C1orf167: variants seen among roughly 807,000 people sequenced by gnomAD.
C1orf167 encodes uncharacterized protein C1orf167.
C1orf167 carries 153 observed loss-of-function variants against 176.5 expected under a neutral mutation model. The observed-to-expected ratio is 0.87, with a 90% confidence interval of 0.76 to 0.99. C1orf167 has a LOEUF of 0.99. Among genes scored for constraint, C1orf167 ranks in the 50% least tolerant of loss-of-function variants. The probability of loss-of-function intolerance (pLI) is 0.00; values close to 1 mark genes in which losing one functional copy is unlikely to be tolerated. For missense variants in C1orf167, 1,490 were observed against 1,817.7 expected, an observed-to-expected ratio of 0.82 and a Z score of 3.28; for synonymous variants, 594 against 752.7, an observed-to-expected ratio of 0.79 and a Z score of 3.45.
Position 11,766,788 on chromosome 1 carries a change from G to C in C1orf167, c.1002G>C (p.Arg334=), listed in dbSNP as rs897930278. Residue 334 remains arginine, a synonymous_variant, in exon 3 of 21, where the codon CGG becomes CGC. Transcript: ENST00000688073. This position sits in a 1 kb window ranked among gnomAD's most constrained non-coding sequence, Gnocchi z 4.5. ...CACCTGAGACCACTTTGGGGACACG[G>C]ACCAAGGATTCCCTTAATCCTGAGC... is the stretch of plus-strand genomic sequence containing the variant. ...LMSPETTLGT[R]TKDSLNPEQG... is the part of the protein sequence containing the mutation. 7.8e-7 allele frequency: 1 copy of C among 1,289,606 alleles called. No individual in the cohort carries two copies. 79.9% of individuals were successfully genotyped at this position (1,289,606 alleles called of 1,614,324 possible).
chr1:11,780,468 G>C (rs115118376), intron 13 of C1orf167, among the ~76,000 whole-genome samples: 313 of 152,284 alleles, frequency 2.1e-3, no homozygotes, highest in African/African-American at 7.3e-3. Context: ...GCACACCCAG[G>C]AGTCAGGTGG....
chr1:11,775,699 G>A (rs1382683554), intron 9 of C1orf167, 89 bp downstream of exon 9: 1 of 1,232,102 alleles, frequency 8.1e-7, no homozygotes, highest in East Asian at 5.8e-5. Flanking sequence ...AATTCTTGTG[G>A]GAGGTGATAG....
chr1:11,766,139 T>C lies in C1orf167; in HGVS notation c.353T>C (p.Phe118Ser). Residue 118 changes from phenylalanine (F) to serine (S), a missense_variant, in exon 3 of 21, where the codon TTT becomes TCT. By Grantham distance (155) the Phe-to-Ser change is radical. Coordinates refer to ENST00000688073, the MANE Select transcript of C1orf167 (RefSeq NM_001010881.2). This position sits in a 1 kb window ranked among gnomAD's most constrained non-coding sequence, Gnocchi z 4.5. ...AGGCGCCAAGGGAAGGCCCGAGAGT[T>C]TGCCATCCAGCAGAGCAACCTGAGC... ...ARRRQGKARE[F>S]AIQQSNLSIN... The C allele has an allele frequency of 1.6e-6, 2 of 1,289,762 alleles. No individual in the cohort carries two copies. Among genetic ancestry groups the C allele is most frequent in the Non-Finnish European group, 2.0e-6 (2 of 988,822 alleles). 79.9% of individuals were successfully genotyped at this position (1,289,762 alleles called of 1,614,324 possible).
At position 11,765,915 on chromosome 1, in the gene C1orf167, G is replaced by C. The variant is rs778241151; in HGVS notation, c.129G>C (p.Trp43Cys). 8.1e-7 allele frequency: 1 copy of C among 1,228,878 alleles called. No homozygotes were observed. 76.1% of individuals were successfully genotyped at this position (1,228,878 alleles called of 1,614,324 possible). ...GCCTGAGTGGTAGACATGACCAGTG[G>C]GTGCCCGGGTGCCAGGTGGAGAGGG... ...GIGLSGRHDQ[W>C]VPGCQVERGG... Residue 43 changes from tryptophan to cysteine, a missense_variant, in exon 3 of 21, where the codon TGG becomes TGC. Transcript: ENST00000688073.
chr1:11,774,588 C>T (rs1314380031), intron 8 of C1orf167, among the ~76,000 whole-genome samples: 1 of 152,090 alleles, frequency 6.6e-6, no homozygotes, highest in Non-Finnish European at 1.5e-5. Flanking sequence ...GTAGAGTGTT[C>T]AGAGGCCTCT....
At chr1:11,788,556 C>T in intron 19 of C1orf167, 96 bp from the exon 20 acceptor site, 1 of 1,168,144 alleles carries the variant, frequency 8.6e-7, no homozygotes, top group South Asian at 1.3e-5. Context: ...AGCCCTTTCA[C>T]TCTGGTGCAG....
At position 11,771,031 on chromosome 1, in the gene C1orf167, A is replaced by G. The variant is rs7533633; in HGVS notation, c.1698-493A>G. ...ATCACCTCTGGCAGCGTGTGTGTGT[A>G]TGTGTGTGTGTGTGTGTGTATATAT... On this transcript the variant is annotated intron_variant, in intron 6 of 20. Coordinates refer to ENST00000688073, the MANE Select transcript of C1orf167 (RefSeq NM_001010881.2). 5.1e-3 allele frequency among the ~76,000 whole-genome samples: 178 copies of G among 35,008 alleles called. 4 individuals are homozygous for G. Among genetic ancestry groups the G allele is most frequent in the Middle Eastern group, 0.05 (2 of 40 alleles). 23.0% of individuals were successfully genotyped at this position (35,008 alleles called of 152,430 possible). A position where few individuals can be genotyped will look rare whatever the true frequency, so the allele number is the denominator to read the frequency against.
intron 6 of C1orf167, among the ~76,000 whole-genome samples, chr1:11,770,757 C>T (rs1285319368): frequency 6.6e-6 from 1 of 150,998 alleles, no homozygotes; most frequent in African/African-American, 2.4e-5. Flanking sequence ...CCACTGCGCC[C>T]GGCCTCTGGT....
intron 16 of C1orf167, 60 bp from the exon 17 acceptor site, chr1:11,787,328 G>A (rs1050307974): frequency 3.2e-5 from 35 of 1,102,668 alleles, no homozygotes; most frequent in South Asian, 9.5e-5. Flanking sequence ...AAATCCCAGC[G>A]GGGCCCCAGG....
Position 11,787,393 on chromosome 1 carries a change from C to T in C1orf167, c.3573C>T (p.Arg1191=). The T allele has an allele frequency of 3.9e-6, 5 of 1,293,964 alleles. No individual in the cohort carries two copies. Among genetic ancestry groups the T allele is most frequent in the Non-Finnish European group, 5.1e-6 (5 of 983,542 alleles). The allele number at this position is 1,293,964 out of a possible 1,614,324, so 80.2% of individuals were successfully genotyped here. Residue 1191 remains arginine (R), a synonymous_variant, in exon 17 of 21, where the codon CGC becomes CGT. Transcript: ENST00000688073. ...RLGLPGAGKT[R]SCWTQATELV... is the part of the protein sequence containing the mutation. ...CTCTCTGGCTATTCCTTCAGACCCGCAGCTGCTGGACACAGGCCACAGAGC... is the reference window on the plus strand; with the variant it reads ...CTCTCTGGCTATTCCTTCAGACCCGTAGCTGCTGGACACAGGCCACAGAGC...
Position 11,789,275 on chromosome 1 carries a change from T to C in C1orf167, c.4179T>C (p.Phe1393=), listed in dbSNP as rs1190172385. The change falls in exon 21 of 21, where the codon TTT becomes TTC. Residue 1393 remains phenylalanine (F), a synonymous_variant. Transcript: ENST00000688073. ...SAVTAAGRWA[F]KKWHQRLAAR... The stretch of plus-strand genomic sequence containing the variant: ...CCTCTCCTCCCTGGTTCCAGGCCTT[T>C]AAGAAGTGGCACCAACGCCTGGCAG... 4.6e-6 allele frequency: 6 copies of C among 1,303,724 alleles called. No individual in the cohort carries two copies. Among genetic ancestry groups the C allele is most frequent in the Non-Finnish European group, 6.1e-6 (6 of 988,880 alleles). The allele number at this position is 1,303,724 out of a possible 1,614,324, so 80.8% of individuals were successfully genotyped here. A position where few individuals can be genotyped will look rare whatever the true frequency, so the allele number is the denominator to read the frequency against.
At chr1:11,779,228 T>A (rs1643478747) in intron 12 of C1orf167, 148 bp downstream of exon 12, 1 of 749,306 alleles carries the variant, frequency 1.3e-6, no homozygotes, top group African/African-American at 1.9e-5. Context: ...TGCCCCGTCC[T>A]ACTGAGAGGG....
intron 17 of C1orf167, 119 bp downstream of exon 17, chr1:11,787,612 T>TG: frequency 1.2e-6 from 1 of 815,058 alleles, no homozygotes; most frequent in South Asian, 1.8e-5. Context: ...GTATTGACCA[T>TG]TCTCCCCATC....
intron 2 of C1orf167, among the ~76,000 whole-genome samples, chr1:11,765,486 T>TTTTC (rs139036502): frequency 2.8e-3 from 425 of 149,966 alleles, no homozygotes; most frequent in African/African-American, 9.9e-3. Flanking sequence ...GATTCTTTTC[T>TTTTC]TTTTTTTTCC....
intron 2 of C1orf167, among the ~76,000 whole-genome samples, chr1:11,764,793 G>A (rs1248538596): frequency 2.0e-5 from 3 of 152,114 alleles, no homozygotes; most frequent in African/African-American, 7.2e-5. Flanking sequence ...GGTGGCTCAC[G>A]CTTGTAATCC....
intron 14 of C1orf167, among the ~76,000 whole-genome samples, chr1:11,782,578 T>G (rs1293314479): frequency 6.6e-6 from 1 of 151,408 alleles, no homozygotes; most frequent in African/African-American, 2.4e-5. Context: ...GCCCCGGGAG[T>G]CCAGCTCCTG....
chr1:11,789,559 GAC>G lies in C1orf167; in HGVS notation c.*115_*116del, dbSNP rs1644022126. On this transcript the variant is annotated 3_prime_UTR_variant, in exon 21 of 21. Transcript: ENST00000688073. ...GGGGACAGCTTGAAGAGCTCTGAAGGACAATAAAACCCACTCCTCAGTCCTAG... is the reference window on the plus strand; with the variant it reads ...GGGGACAGCTTGAAGAGCTCTGAAGGAATAAAACCCACTCCTCAGTCCTAG... 1 of 1,034,862 alleles carries G rather than the reference GAC, an allele frequency of 9.7e-7. No individual in the cohort carries two copies. The allele number at this position is 1,034,862 out of a possible 1,614,324, so 64.1% of individuals were successfully genotyped here. A position where few individuals can be genotyped will look rare whatever the true frequency, so the allele number is the denominator to read the frequency against.
intron 13 of C1orf167, 66 bp from the exon 14 acceptor site, chr1:11,782,123 G>A (rs1037522708): frequency 1.4e-5 from 17 of 1,182,934 alleles, no homozygotes; most frequent in Middle Eastern, 2.5e-4. Flanking sequence ...GGCTGGCTGC[G>A]TAGAGGCCCA....
At chr1:11,788,603 G>A in intron 19 of C1orf167, 49 bp from the exon 20 acceptor site, 1 of 1,281,458 alleles carries the variant, frequency 7.8e-7, no homozygotes, top group African/African-American at 1.5e-5. Flanking sequence ...GCTGGGGACT[G>A]CGGGGGAGCG....
Sources: allele counts gnomAD v4.1 joint callset (sites outside exome capture counted in the v4.1 genomes callset), GRCh38; gene constraint gnomAD v4.1.1; non-coding constraint Gnocchi (gnomAD v3.1); transcripts MANE v1.5; gene names NCBI Gene and HGNC (gene_info 2026-07-23, HGNC 2026-07-21).